Variants in GRB2 observed in about 807,000 individuals in gnomAD.
GRB2 encodes the protein growth factor receptor bound protein 2, also known as growth factor receptor-bound protein 2.
Under a neutral mutation model 27.4 loss-of-function variants are expected in GRB2, and 2 were observed. That is an observed-to-expected ratio of 0.07 (90% confidence interval 0.03 to 0.23). GRB2 has a LOEUF of 0.23. Ranked by LOEUF, GRB2 falls within the 10% of genes least tolerant of loss-of-function variation. GRB2 has a pLI of 1.00. For synonymous variants in GRB2, 94 were observed against 99.6 expected (o/e 0.94, Z 0.33); for missense variants, 102 against 282.4 (o/e 0.36, Z 4.58).
At chr17:75,357,303 G>C (rs1205756569) in intron 2 of GRB2, among the ~76,000 whole-genome samples, 2 of 152,190 alleles carry the variant, frequency 1.3e-5, no homozygotes, top group South Asian at 2.1e-4. Context: ...TGGTGTCCTG[G>C]ATGGGACCGT....
chr17:75,365,941 T>C (rs1300604677), intron 2 of GRB2, among the ~76,000 whole-genome samples: 1 of 152,180 alleles, frequency 6.6e-6, no homozygotes, highest in African/African-American at 2.4e-5. Context: ...CTATTTCTCC[T>C]CTTTCCTCTC....
chr17:75,354,161 C>T (rs185924527), intron 2 of GRB2, among the ~76,000 whole-genome samples: 1 of 151,122 alleles, frequency 6.6e-6, no homozygotes, highest in Non-Finnish European at 1.5e-5. Context: ...TAGATTTCAA[C>T]AGAATCCTGG....
At position 75,392,873 on chromosome 17, in the gene GRB2, G is replaced by C. The variant is rs2079007334; in HGVS notation, c.78+678C>G. Among the ~76,000 whole-genome samples, 3 of 152,292 alleles carry C rather than the reference G, an allele frequency of 2.0e-5. No homozygotes were observed. The South Asian group carries it at 6.2e-4, about 32-fold the overall frequency. On this transcript the variant is annotated intron_variant, in intron 2 of 5. Transcript: ENST00000316804. ...AAAATAAGCTGCACATGGTATAGAAGCTGATTTTTAAACTGTCAGCAGGTT... is the reference window on the plus strand; with the variant it reads ...AAAATAAGCTGCACATGGTATAGAACCTGATTTTTAAACTGTCAGCAGGTT...
intron 2 of GRB2, among the ~76,000 whole-genome samples, chr17:75,349,508 CTTTTTT>C (rs36010389): frequency 8.6e-6 from 1 of 115,910 alleles, no homozygotes; most frequent in Non-Finnish European, 1.7e-5. Context: ...ATAACTCAGA[CTTTTTT>C]TTTTTTTTTT....
chr17:75,321,900 G>C (rs757326179), intron 4 of GRB2, 73 bp from the exon 5 acceptor site: 195 of 1,408,492 alleles, frequency 1.4e-4, no homozygotes, highest in Non-Finnish European at 1.8e-4. Context: ...TTCCATATAG[G>C]AGCTATCTCG....
chr17:75,356,652 G>A (rs1453541599), intron 2 of GRB2, among the ~76,000 whole-genome samples: 1 of 152,112 alleles, frequency 6.6e-6, no homozygotes, highest in Non-Finnish European at 1.5e-5. Context: ...TTCCAAGCAC[G>A]ATTCCGCTCG....
intron 4 of GRB2, among the ~76,000 whole-genome samples, chr17:75,322,975 C>T (rs1395742025): frequency 6.6e-6 from 1 of 151,742 alleles, no homozygotes; most frequent in African/African-American, 2.4e-5. Context: ...AAAAATTAGC[C>T]AGGTGTGGTG....
At chr17:75,383,966 C>T (rs1047997228) in intron 2 of GRB2, among the ~76,000 whole-genome samples, 1 of 152,128 alleles carries the variant, frequency 6.6e-6, no homozygotes, top group Admixed American at 6.5e-5. Context: ...AGAACCAAAA[C>T]ACAAAGCCAT....
intron 2 of GRB2, among the ~76,000 whole-genome samples, chr17:75,391,130 G>A (rs926679732): frequency 1.3e-5 from 2 of 151,972 alleles, no homozygotes; most frequent in African/African-American, 2.4e-5. Context: ...CTACTGTATC[G>A]TCACTCTTTT....
At chr17:75,350,119 A>G (rs2078680632) in intron 2 of GRB2, among the ~76,000 whole-genome samples, 1 of 151,658 alleles carries the variant, frequency 6.6e-6, no homozygotes, top group Non-Finnish European at 1.5e-5. Context: ...AGTCCCAGCT[A>G]CCTGGGAAAG....
chr17:75,394,747 A>T (rs1187971651), intron 1 of GRB2: 1 of 152,240 alleles, frequency 6.6e-6, no homozygotes, highest in Non-Finnish European at 1.5e-5. Context: ...AGTCTCTCTC[A>T]CAGTCACCCT....
At position 75,330,146 on chromosome 17, in the gene GRB2, G is replaced by A. The variant is rs2078529161; in HGVS notation, c.176+2554C>T. On this transcript the variant is annotated intron_variant, in intron 3 of 5. Coordinates refer to ENST00000316804, the MANE Select transcript of GRB2 (RefSeq NM_002086.5). ...CACCTGTAATCCCAGCACTTTGGGAGGCCGAGGCGGGCGGATCAGGAGGTC... is the reference window on the plus strand; with the variant it reads ...CACCTGTAATCCCAGCACTTTGGGAAGCCGAGGCGGGCGGATCAGGAGGTC... Among the ~76,000 whole-genome samples, 3 of 150,992 alleles carry A rather than the reference G, an allele frequency of 2.0e-5. No individual in the cohort carries two copies. In the South Asian group the frequency reaches 6.3e-4, roughly 32 times the overall value.
intron 2 of GRB2, among the ~76,000 whole-genome samples, chr17:75,364,091 A>C (rs2078804141): frequency 6.6e-6 from 1 of 152,060 alleles, no homozygotes; most frequent in Non-Finnish European, 1.5e-5. Context: ...AAGAACCACA[A>C]ACTTAACCAT....
intron 2 of GRB2, among the ~76,000 whole-genome samples, chr17:75,389,256 T>C (rs775983054): frequency 6.6e-6 from 1 of 151,166 alleles, no homozygotes; most frequent in Non-Finnish European, 1.5e-5. Flanking sequence ...AAGCACAAGT[T>C]TCGTCTCCCT....
At chr17:75,329,126 G>A (rs1299245728) in intron 3 of GRB2, among the ~76,000 whole-genome samples, 5 of 151,700 alleles carry the variant, frequency 3.3e-5, no homozygotes, top group Admixed American at 2.6e-4. Context: ...ACATGGCCTC[G>A]GCTGGCTCTC....
chr17:75,323,809 T>TTC (rs1346279394), intron 4 of GRB2, among the ~76,000 whole-genome samples: 6 of 150,656 alleles, frequency 4.0e-5, no homozygotes, highest in African/African-American at 7.3e-5. Context: ...TTCTTTTCTT[T>TTC]TTTTTTTTTT....
At chr17:75,392,461 AAATAAAGACTATC>A (rs1206149635) in intron 2 of GRB2, among the ~76,000 whole-genome samples, 1 of 152,234 alleles carries the variant, frequency 6.6e-6, no homozygotes, top group Non-Finnish European at 1.5e-5. Context: ...AATGAGGGCA[AAATAAAGACTATC>A]AATAAGTCCA....
At position 75,320,752 on chromosome 17, in the gene GRB2, C is replaced by T. The variant is rs2078453133; in HGVS notation, c.469-199G>A. The stretch of plus-strand genomic sequence containing the variant: ...GCCAAGCGGGTTTAGTGTGATATTT[C>T]CCAGTGCTCAGAAAATATTAGAGTA... On this transcript the variant is annotated intron_variant, in intron 5 of 5. Transcript: ENST00000316804. The surrounding 1 kb of genome is among the most constrained non-coding windows in gnomAD (Gnocchi z 4.3). Among the ~76,000 whole-genome samples, 1 of 152,060 alleles carries T rather than the reference C, an allele frequency of 6.6e-6. No homozygotes were observed. The highest frequency in any genetic ancestry group is 1.5e-5 in the Non-Finnish European group (1 of 68,020).
intron 2 of GRB2, among the ~76,000 whole-genome samples, chr17:75,346,760 G>A (rs1323040272): frequency 2.0e-5 from 3 of 151,596 alleles, no homozygotes; most frequent in Non-Finnish European, 4.4e-5. Context: ...TAGTAGAGAC[G>A]GGGTTTCATC....
Sources: allele counts gnomAD v4.1 joint callset (sites outside exome capture counted in the v4.1 genomes callset), GRCh38; gene constraint gnomAD v4.1.1; non-coding constraint Gnocchi (gnomAD v3.1); transcripts MANE v1.5; gene names NCBI Gene and HGNC (gene_info 2026-07-23, HGNC 2026-07-21).